The following PTPRN2 variants were observed in gnomAD, a reference collection of about 807,000 sequenced individuals.
The protein encoded by PTPRN2 is protein tyrosine phosphatase receptor type N2.
In PTPRN2, 74 loss-of-function variants were observed where a neutral mutation model predicts 118.8. The observed-to-expected ratio is 0.62, with a 90% confidence interval of 0.52 to 0.76. The LOEUF is 0.76. Ranked by LOEUF, PTPRN2 falls within the 30% of genes least tolerant of loss-of-function variation. PTPRN2 has a pLI of 0.00. For synonymous variants in PTPRN2, 641 were observed against 608.0 expected (o/e 1.05, Z -0.80); for missense variants, 1,481 against 1,394.4 (o/e 1.06, Z -0.99).
chr7:157,692,309 G>A (rs997095776), intron 12 of PTPRN2, among the ~76,000 whole-genome samples: 1 of 152,186 alleles, frequency 6.6e-6, no homozygotes, highest in Non-Finnish European at 1.5e-5. Context: ...CCCCAGGCCA[G>A]GCCCAGGCGG....
chr7:158,144,756 G>C (rs1407560105), intron 6 of PTPRN2, among the ~76,000 whole-genome samples: 3 of 150,284 alleles, frequency 2.0e-5, no homozygotes, highest in Non-Finnish European at 3.0e-5. Flanking sequence ...GCTGCGGTCT[G>C]TGTTTCTAAC....
rs919171153 is a variant in PTPRN2 at position 157,840,410 on chromosome 7, CTGTGTGACTG to C, written c.1788+58253_1788+58262del. ...CGTGTGACTGTGTGACCGTGTGTGA[CTGTGTGACTG>C]TGTGTGACTGTGTGACCGCGTGTGA... On this transcript the variant is annotated intron_variant, in intron 12 of 22. Transcript: ENST00000389418. 7.5e-5 allele frequency among the ~76,000 whole-genome samples: 10 copies of C among 134,106 alleles called. No homozygotes were observed. The East Asian group carries it at 1.0e-3, about 14-fold the overall frequency. The allele number at this position is 134,106 out of a possible 152,430, so 88.0% of individuals were successfully genotyped here.
At chr7:157,735,049 C>T (rs182246853) in intron 12 of PTPRN2, among the ~76,000 whole-genome samples, 18 of 152,362 alleles carry the variant, frequency 1.2e-4, no homozygotes, top group Admixed American at 5.9e-4. Flanking sequence ...TTAGTGGTGC[C>T]GCTGGCACCG....
At chr7:157,753,280 C>T (rs141112174) in intron 12 of PTPRN2, among the ~76,000 whole-genome samples, 138 of 152,254 alleles carry the variant, frequency 9.1e-4, no homozygotes, top group Middle Eastern at 3.4e-3. Flanking sequence ...GTTCCCTGGC[C>T]GATGCCCACT....
rs575202805 is a variant in PTPRN2 at position 158,544,817 on chromosome 7, T to C, written c.112+42741A>G. 2.0e-5 allele frequency among the ~76,000 whole-genome samples: 3 copies of C among 152,322 alleles called. No individual in the cohort carries two copies. In the East Asian group the frequency reaches 5.8e-4, roughly 29 times the overall value. ...ACAGAAGCACTGTCTGGGGCACCTGTTGTCCTGGGGTTCAAAGCCGCTGCC... is the reference window on the plus strand; with the variant it reads ...ACAGAAGCACTGTCTGGGGCACCTGCTGTCCTGGGGTTCAAAGCCGCTGCC... On this transcript the variant is annotated intron_variant, in intron 1 of 22. Transcript: ENST00000389418. The surrounding 1 kb of genome is among the most constrained non-coding windows in gnomAD (Gnocchi z 4.2).
At chr7:158,312,563 C>T (rs1368110661) in intron 3 of PTPRN2, among the ~76,000 whole-genome samples, 16 of 151,938 alleles carry the variant, frequency 1.1e-4, no homozygotes, top group African/African-American at 3.1e-4. Flanking sequence ...GACACCCACA[C>T]GCAAAACCTC....
chr7:158,233,410 T>C (rs528737583), intron 3 of PTPRN2, among the ~76,000 whole-genome samples: 1 of 152,138 alleles, frequency 6.6e-6, no homozygotes, highest in African/African-American at 2.4e-5. Context: ...AAGAAAACAA[T>C]TGAAGACGAC....
intron 11 of PTPRN2, among the ~76,000 whole-genome samples, chr7:158,075,920 C>A (rs1812322221): frequency 6.6e-6 from 1 of 152,236 alleles, no homozygotes; most frequent in African/African-American, 2.4e-5. Flanking sequence ...TGCAGCGGAA[C>A]CTGGAGCCGG....
intron 6 of PTPRN2, among the ~76,000 whole-genome samples, chr7:158,150,546 C>T (rs921325132): frequency 1.3e-5 from 2 of 152,052 alleles, no homozygotes; most frequent in African/African-American, 2.4e-5. Context: ...GCTCCTGGAG[C>T]CCAGAAACAA....
chr7:158,313,722 A>G (rs1382206775), intron 3 of PTPRN2, among the ~76,000 whole-genome samples: 5 of 151,926 alleles, frequency 3.3e-5, no homozygotes, highest in Non-Finnish European at 7.4e-5. Context: ...CACAATATTA[A>G]TTTTCTCTGA....
At chr7:158,400,790 G>C (rs540712502) in intron 2 of PTPRN2, among the ~76,000 whole-genome samples, 1 of 152,066 alleles carries the variant, frequency 6.6e-6, no homozygotes, top group Non-Finnish European at 1.5e-5. Context: ...CTACACAAAC[G>C]GAGGCAGCCC....
At position 157,813,701 on chromosome 7, in the gene PTPRN2, CTTT is replaced by C. The variant is rs1407077867; in HGVS notation, c.1788+84969_1788+84971del. On this transcript the variant is annotated intron_variant, in intron 12 of 22. Transcript: ENST00000389418. This position sits in a 1 kb window ranked among gnomAD's most constrained non-coding sequence, Gnocchi z 4.7. Reference sequence around the variant, plus strand: ...GATGTCCACTGAGGAATGAGCATTGCTTTTTAATTAGCAGCTGCCCCGAGTGCT... The same window carrying C: ...GATGTCCACTGAGGAATGAGCATTGCTTAATTAGCAGCTGCCCCGAGTGCT... Among the ~76,000 whole-genome samples, 2 of 152,204 alleles carry C rather than the reference CTTT, an allele frequency of 1.3e-5. No homozygotes were observed. Among genetic ancestry groups the C allele is most frequent in the African/African-American group, 4.8e-5 (2 of 41,454 alleles).
At chr7:158,054,247 A>C (rs1178456139) in intron 11 of PTPRN2, among the ~76,000 whole-genome samples, 2 of 152,192 alleles carry the variant, frequency 1.3e-5, no homozygotes, top group Non-Finnish European at 2.9e-5. Context: ...ATGTGAACAC[A>C]GCTCTCCGAA....
intron 12 of PTPRN2, among the ~76,000 whole-genome samples, chr7:157,737,580 T>G (rs1473383913): frequency 6.6e-6 from 1 of 152,242 alleles, no homozygotes; most frequent in Non-Finnish European, 1.5e-5. Context: ...TCCCCTGGCC[T>G]GGCTTCTCTG....
intron 3 of PTPRN2, among the ~76,000 whole-genome samples, chr7:158,314,635 A>C (rs1353735496): frequency 6.6e-6 from 1 of 152,014 alleles, no homozygotes; most frequent in African/African-American, 2.4e-5. Context: ...TGGAGTGTGC[A>C]TCAGGGAGCT....
At position 157,964,784 on chromosome 7, in the gene PTPRN2, C is replaced by T. The variant is rs1468345322; in HGVS notation, c.1724-66047G>A. On this transcript the variant is annotated intron_variant, in intron 11 of 22. Coordinates refer to ENST00000389418, the MANE Select transcript of PTPRN2 (RefSeq NM_002847.5). The surrounding 1 kb of genome is among the most constrained non-coding windows in gnomAD (Gnocchi z 9.0). Reference sequence around the variant, plus strand: ...CCACTTGAAGGTTGGTGTGAAACCCCACCCCACTCAACCCTGGCTGATCCC... The same window carrying T: ...CCACTTGAAGGTTGGTGTGAAACCCTACCCCACTCAACCCTGGCTGATCCC... 6.6e-6 allele frequency among the ~76,000 whole-genome samples: 1 copy of T among 152,208 alleles called. No individual in the cohort carries two copies. The highest frequency in any genetic ancestry group is 1.5e-5 in the Non-Finnish European group (1 of 68,040).
intron 2 of PTPRN2, among the ~76,000 whole-genome samples, chr7:158,337,328 C>T (rs1412705516): frequency 1.3e-5 from 2 of 150,782 alleles, no homozygotes; most frequent in East Asian, 2.0e-4. Flanking sequence ...CACACCCACA[C>T]TGTCACCCTA....
At chr7:157,746,196 C>A (rs1194237657) in intron 12 of PTPRN2, among the ~76,000 whole-genome samples, 1 of 143,568 alleles carries the variant, frequency 7.0e-6, no homozygotes, top group African/African-American at 2.7e-5. Context: ...CTCCCCTAGA[C>A]CCCACAGTCC....
rs1356006421 is a variant in PTPRN2, at chr7:157,987,033, G to A, written c.1724-88296C>T. Among the ~76,000 whole-genome samples the A allele has an allele frequency of 6.6e-6, 1 of 152,128 alleles. No individual in the cohort carries two copies. Among genetic ancestry groups the A allele is most frequent in the Non-Finnish European group, 1.5e-5 (1 of 68,022 alleles). On this transcript the variant is annotated intron_variant, in intron 11 of 22. Transcript: ENST00000389418. The surrounding 1 kb of genome is among the most constrained non-coding windows in gnomAD (Gnocchi z 4.3). ...TAGGATATAACGGGTTCATGCACTG[G>A]AGTAGCTGCCGGTACACATCTAGGG...
Sources: allele counts gnomAD v4.1 joint callset (sites outside exome capture counted in the v4.1 genomes callset), GRCh38; gene constraint gnomAD v4.1.1; non-coding constraint Gnocchi (gnomAD v3.1); transcripts MANE v1.5; gene names NCBI Gene and HGNC (gene_info 2026-07-23, HGNC 2026-07-21).